Variants in GRIN2A observed in about 807,000 individuals in gnomAD.
The protein encoded by GRIN2A is glutamate receptor ionotropic, NMDA 2A.
In GRIN2A, 22 loss-of-function variants were observed where a neutral mutation model predicts 113.4. The observed-to-expected ratio is 0.19, with a 90% CI of 0.14 to 0.28. The LOEUF (loss-of-function observed/expected upper bound fraction) is 0.28, where lower values mean the gene tolerates loss of function less well. Among genes scored for constraint, GRIN2A ranks in the 10% least tolerant of loss-of-function variants. The pLI, the probability that GRIN2A is intolerant of heterozygous loss-of-function variation, is 1.00. For missense variants in GRIN2A, 1,502 were observed against 1,887.0 expected, an observed-to-expected ratio of 0.80 and a Z score of 3.78; for synonymous variants, 827 against 738.4, an observed-to-expected ratio of 1.12 and a Z score of -1.94.
At position 9,760,230 on chromosome 16, in the gene GRIN2A, CTT is replaced by C. The variant is rs372201763; in HGVS notation, c.*2917_*2918del. The C allele has an allele frequency of 1.7e-3, 398 of 228,010 alleles. 1 individual carries two copies. Among genetic ancestry groups the C allele is most frequent in the African/African-American group, 8.3e-3 (373 of 45,186 alleles). 14.1% of individuals were successfully genotyped at this position (228,010 alleles called of 1,614,324 possible). On this transcript the variant is annotated 3_prime_UTR_variant, in exon 13 of 13. Coordinates refer to ENST00000330684, the MANE Select transcript of GRIN2A (RefSeq NM_001134407.3). ...AGGCTTCCAGGCTTCCTATTTAATT[CTT>C]GTTACTTCTCATACTGTGGGTTCCA...
intron 2 of GRIN2A, among the ~76,000 whole-genome samples, chr16:10,019,086 C>T (rs1040108136): frequency 2.2e-4 from 33 of 147,556 alleles, no homozygotes; most frequent in East Asian, 3.9e-4. Context: ...TGAATCCCAA[C>T]GTAAGTTTGT....
At chr16:9,809,678 A>G (rs963356472) in intron 10 of GRIN2A, among the ~76,000 whole-genome samples, 2 of 152,142 alleles carry the variant, frequency 1.3e-5, no homozygotes, top group Non-Finnish European at 2.9e-5. Context: ...TGCCTGCGTC[A>G]TGACTTAAGC....
intron 11 of GRIN2A, among the ~76,000 whole-genome samples, chr16:9,781,670 C>G (rs1381073996): frequency 6.6e-6 from 1 of 152,062 alleles, no homozygotes; most frequent in Non-Finnish European, 1.5e-5. Context: ...GTTAACAAAC[C>G]TTTTGGGCAT....
intron 2 of GRIN2A, among the ~76,000 whole-genome samples, chr16:10,126,881 C>T (rs1207205277): frequency 1.3e-5 from 2 of 152,140 alleles, no homozygotes; most frequent in African/African-American, 4.8e-5. Flanking sequence ...GCCTACAGCA[C>T]CAGTCTACAC....
At chr16:9,974,337 G>A (rs546048457) in intron 2 of GRIN2A, among the ~76,000 whole-genome samples, 1 of 152,282 alleles carries the variant, frequency 6.6e-6, no homozygotes, top group Non-Finnish European at 1.5e-5. Context: ...ATCGACCCCT[G>A]ACCTAACCGG....
At chr16:10,131,404 GA>G (rs1197692177) in intron 2 of GRIN2A, among the ~76,000 whole-genome samples, 1 of 151,946 alleles carries the variant, frequency 6.6e-6, no homozygotes, top group Admixed American at 6.6e-5. Context: ...CGGGAAGTTG[GA>G]AGCTAAAGGG....
chr16:9,902,438 C>G (rs1335084039), intron 3 of GRIN2A, among the ~76,000 whole-genome samples: 1 of 152,174 alleles, frequency 6.6e-6, no homozygotes, highest in Non-Finnish European at 1.5e-5. Flanking sequence ...AGCCTGGGTC[C>G]CGGACACTGT....
intron 4 of GRIN2A, among the ~76,000 whole-genome samples, chr16:9,880,426 C>G (rs2043455026): frequency 1.3e-5 from 2 of 152,168 alleles, no homozygotes; most frequent in South Asian, 4.1e-4. Context: ...TTGCCCCAAC[C>G]TAATAGCTGC....
chr16:10,013,673 C>T (rs529906462), intron 2 of GRIN2A, among the ~76,000 whole-genome samples: 1 of 152,342 alleles, frequency 6.6e-6, no homozygotes, highest in East Asian at 1.9e-4. Context: ...AACCAGCATC[C>T]TCCTGGGTCA....
chr16:10,025,790 C>T (rs551723104), intron 2 of GRIN2A, among the ~76,000 whole-genome samples: 1 of 152,166 alleles, frequency 6.6e-6, no homozygotes, highest in Non-Finnish European at 1.5e-5. Context: ...CTAGGGGATG[C>T]AAAATCTCAT....
chr16:10,172,346 C>A (rs569696220), intron 2 of GRIN2A, among the ~76,000 whole-genome samples: 2 of 152,278 alleles, frequency 1.3e-5, no homozygotes, highest in South Asian at 2.1e-4. Flanking sequence ...TCAACAGGGC[C>A]AGGTGTTATA....
intron 3 of GRIN2A, among the ~76,000 whole-genome samples, chr16:9,919,841 A>G (rs575442828): frequency 6.6e-5 from 10 of 152,174 alleles, no homozygotes; most frequent in African/African-American, 2.4e-4. Context: ...CCTCCAAGCA[A>G]TTTCCCAGTT....
At chr16:10,015,551 A>C (rs1482103087) in intron 2 of GRIN2A, among the ~76,000 whole-genome samples, 1 of 152,188 alleles carries the variant, frequency 6.6e-6, no homozygotes, top group Non-Finnish European at 1.5e-5. Flanking sequence ...ATGCGCTTTA[A>C]ATTTCTGAAC....
At chr16:9,934,678 TAAAAAAA>T (rs33916243) in intron 3 of GRIN2A, among the ~76,000 whole-genome samples, 4 of 50,940 alleles carry the variant, frequency 7.9e-5, no homozygotes, top group Non-Finnish European at 1.0e-4. Context: ...AGACTCTGTC[TAAAAAAA>T]AAAAAAAAAA....
intron 4 of GRIN2A, among the ~76,000 whole-genome samples, chr16:9,853,120 G>A (rs983834760): frequency 2.0e-5 from 3 of 152,176 alleles, no homozygotes; most frequent in Non-Finnish European, 1.5e-5. Context: ...GGAAATTCAG[G>A]ATGAGTTGCA....
At chr16:9,838,769 T>G (rs770081579) in intron 7 of GRIN2A, among the ~76,000 whole-genome samples, 6 of 152,162 alleles carry the variant, frequency 3.9e-5, no homozygotes, top group Non-Finnish European at 7.4e-5. Flanking sequence ...AAGTTTGAGA[T>G]AAATGAAAGA....
intron 8 of GRIN2A, among the ~76,000 whole-genome samples, chr16:9,832,503 G>C (rs1187795087): frequency 1.3e-5 from 2 of 151,848 alleles, no homozygotes; most frequent in African/African-American, 4.8e-5. Context: ...TTATTAGTTT[G>C]TGTGTCTACA....
intron 2 of GRIN2A, among the ~76,000 whole-genome samples, chr16:10,176,607 C>T (rs1210613719): frequency 2.0e-5 from 3 of 150,062 alleles, no homozygotes; most frequent in African/African-American, 7.4e-5. Flanking sequence ...GGACAAAAAA[C>T]CAAACACCGC....
chr16:10,030,082 T>C (rs1006710444), intron 2 of GRIN2A, among the ~76,000 whole-genome samples: 11 of 151,988 alleles, frequency 7.2e-5, no homozygotes, highest in East Asian at 3.9e-4. Context: ...TTATCACTGA[T>C]TGTGTAAAGC....
Sources: gnomAD v4.1 joint callset for allele counts (sites outside exome capture counted in the v4.1 genomes callset) on GRCh38, gnomAD v4.1.1 for gene constraint, MANE v1.5 for transcripts, NCBI Gene and HGNC (gene_info 2026-07-23, HGNC 2026-07-21) for gene names.